GABRB1: variants seen among roughly 807,000 people sequenced by gnomAD.
The protein encoded by GABRB1 is gamma-aminobutyric acid receptor subunit beta-1.
In GABRB1, 17 loss-of-function variants were observed where a neutral mutation model predicts 51.6. The ratio of observed to expected loss-of-function variants is 0.33; its 90% CI spans 0.23 to 0.49. GABRB1 has a LOEUF of 0.49. Among genes scored for constraint, GABRB1 ranks in the 20% least tolerant of loss-of-function variants. GABRB1 has a pLI of 0.99. For missense variants in GABRB1, 410 were observed against 600.6 expected, an observed-to-expected ratio of 0.68 and a Z score of 3.32; for synonymous variants, 247 against 218.9, an observed-to-expected ratio of 1.13 and a Z score of -1.14.
At chr4:47,032,629 C>A (rs1242582067) in intron 3 of GABRB1, 145 bp downstream of exon 3, 5 of 772,458 alleles carry the variant, frequency 6.5e-6, no homozygotes, top group Non-Finnish European at 1.2e-5. Context: ...CTCCGGCACA[C>A]ACACCCGGTC....
intron 4 of GABRB1, among the ~76,000 whole-genome samples, chr4:47,216,144 A>T (rs1267278733): frequency 1.3e-5 from 2 of 152,002 alleles, no homozygotes; most frequent in Non-Finnish European, 2.9e-5. Context: ...AACGTGTCAG[A>T]TTTCATGAGA....
intron 4 of GABRB1, among the ~76,000 whole-genome samples, chr4:47,261,660 A>G (rs1257134214): frequency 6.6e-6 from 1 of 151,946 alleles, no homozygotes; most frequent in Non-Finnish European, 1.5e-5. Context: ...TCAAGCTACC[A>G]ATGACTTTCT....
chr4:47,320,110 T>C lies in GABRB1; in HGVS notation c.462-17T>C, dbSNP rs1174604249. 1.3e-6 allele frequency: 2 copies of C among 1,510,388 alleles called. No individual in the cohort carries two copies. Among genetic ancestry groups the C allele is most frequent in the South Asian group, 2.2e-5 (2 of 89,048 alleles). 93.6% of individuals were successfully genotyped at this position (1,510,388 alleles called of 1,614,324 possible). ...CACTTTTGTAATGTTTTCTTTTTTC[T>C]CTCTCCTCTCTATCAGAATCACAAC... On this transcript the variant is annotated splice_polypyrimidine_tract_variant and intron_variant, in intron 4 of 8. Transcript: ENST00000295454.
rs1279543231 is a variant in GABRB1 at position 47,251,465 on chromosome 4, G to A, written c.462-68662G>A. ...TGCTTTCCCAAAAGCATCAGCTGGG[G>A]TATTATGGAGAGGAACTGGAGGTGG... On this transcript the variant is annotated intron_variant, in intron 4 of 8. Coordinates refer to ENST00000295454, the MANE Select transcript of GABRB1 (RefSeq NM_000812.4). Among the ~76,000 whole-genome samples, 4 of 152,146 alleles carry A rather than the reference G, an allele frequency of 2.6e-5. No individual in the cohort carries two copies. The South Asian group carries it at 8.3e-4, about 32-fold the overall frequency.
chr4:47,307,851 T>C (rs2109947704), intron 4 of GABRB1, among the ~76,000 whole-genome samples: 1 of 152,106 alleles, frequency 6.6e-6, no homozygotes, highest in Admixed American at 6.6e-5. Context: ...CTTCATTCTG[T>C]TAGTAATTAA....
chr4:47,349,307 A>G (rs1726221583), intron 5 of GABRB1, among the ~76,000 whole-genome samples: 1 of 152,186 alleles, frequency 6.6e-6, no homozygotes, highest in Non-Finnish European at 1.5e-5. Flanking sequence ...ACTGGATAGA[A>G]TAAAGCAAGA....
chr4:47,316,391 T>C (rs972991616), intron 4 of GABRB1, among the ~76,000 whole-genome samples: 4 of 151,998 alleles, frequency 2.6e-5, no homozygotes, highest in African/African-American at 9.7e-5. Context: ...GTTCCATCCA[T>C]GTTGCAGCAT....
chr4:47,333,174 A>G (rs1229178005), intron 5 of GABRB1, among the ~76,000 whole-genome samples: 3 of 144,580 alleles, frequency 2.1e-5, no homozygotes, highest in Non-Finnish European at 3.0e-5. Flanking sequence ...ATATACATAT[A>G]TATTTAAAAC....
intron 3 of GABRB1, among the ~76,000 whole-genome samples, chr4:47,077,775 C>A (rs1205593558): frequency 7.0e-6 from 1 of 143,096 alleles, no homozygotes; most frequent in Non-Finnish European, 1.5e-5. Flanking sequence ...CTTTTAAAAG[C>A]CTCATTAGCT....
At chr4:47,337,087 G>A (rs548836949) in intron 5 of GABRB1, among the ~76,000 whole-genome samples, 3 of 152,280 alleles carry the variant, frequency 2.0e-5, no homozygotes, top group Non-Finnish European at 4.4e-5. Context: ...ACAGCAGTAA[G>A]ATGACATAAG....
intron 4 of GABRB1, among the ~76,000 whole-genome samples, chr4:47,223,770 A>T (rs764514785): frequency 6.6e-6 from 1 of 152,088 alleles, no homozygotes; most frequent in Non-Finnish European, 1.5e-5. Context: ...TGTTTAGACT[A>T]TGACATTAGA....
intron 1 of GABRB1, among the ~76,000 whole-genome samples, chr4:47,003,981 GTTTT>G (rs374011100): frequency 6.6e-6 from 1 of 151,748 alleles, no homozygotes. Context: ...ACGTTCTTTT[GTTTT>G]TTTTGTTTGT....
intron 4 of GABRB1, among the ~76,000 whole-genome samples, chr4:47,260,147 C>A (rs1722371492): frequency 6.6e-6 from 1 of 152,166 alleles, no homozygotes; most frequent in Non-Finnish European, 1.5e-5. Flanking sequence ...AGGATTGCAA[C>A]CCCTACCTTT....
At chr4:47,158,891 T>C (rs529567894) in intron 3 of GABRB1, among the ~76,000 whole-genome samples, 3 of 152,234 alleles carry the variant, frequency 2.0e-5, no homozygotes, top group African/African-American at 7.2e-5. Flanking sequence ...ATAATTTATT[T>C]GTTTAGCATG....
At chr4:47,348,411 T>A (rs1423210510) in intron 5 of GABRB1, among the ~76,000 whole-genome samples, 1 of 152,222 alleles carries the variant, frequency 6.6e-6, no homozygotes, top group Non-Finnish European at 1.5e-5. Context: ...TGCTTTCTGA[T>A]GGTTCAATGT....
intron 5 of GABRB1, among the ~76,000 whole-genome samples, chr4:47,336,408 C>T (rs1725697468): frequency 6.6e-6 from 1 of 152,114 alleles, no homozygotes; most frequent in Admixed American, 6.6e-5. Context: ...TAAATAATAT[C>T]CCATTTAATC....
At chr4:47,201,470 G>C (rs749697199) in intron 4 of GABRB1, among the ~76,000 whole-genome samples, 1 of 151,998 alleles carries the variant, frequency 6.6e-6, no homozygotes, top group Non-Finnish European at 1.5e-5. Context: ...CCAGTGAAAG[G>C]CTATTTATTC....
chr4:47,185,839 A>G (rs1470204801), intron 4 of GABRB1, among the ~76,000 whole-genome samples: 1 of 151,888 alleles, frequency 6.6e-6, no homozygotes, highest in African/African-American at 2.4e-5. Flanking sequence ...GGAAAAAGTA[A>G]TCAAAAGTTG....
intron 4 of GABRB1, among the ~76,000 whole-genome samples, chr4:47,164,151 G>A (rs548363507): frequency 3.7e-4 from 56 of 152,006 alleles, no homozygotes; most frequent in African/African-American, 9.2e-4. Context: ...ACCTCCCACC[G>A]GGCCCTCCCT....
Sources: gnomAD v4.1 joint callset for allele counts (sites outside exome capture counted in the v4.1 genomes callset) on GRCh38, gnomAD v4.1.1 for gene constraint, MANE v1.5 for transcripts, NCBI Gene and HGNC (gene_info 2026-07-23, HGNC 2026-07-21) for gene names.